Variants in SNX14 observed in about 807,000 individuals in gnomAD.
The protein encoded by SNX14 is sorting nexin 14, also known as sorting nexin-14.
In SNX14, 93 loss-of-function variants were observed where a neutral mutation model predicts 133.8. That is an observed-to-expected ratio of 0.70 (90% CI 0.59 to 0.83). The LOEUF (loss-of-function observed/expected upper bound fraction) is 0.83. Among genes scored for constraint, SNX14 ranks in the 40% least tolerant of loss-of-function variants. The pLI, the probability that SNX14 is intolerant of heterozygous loss-of-function variation, is 0.00. For missense variants in SNX14, 945 were observed against 1,094.9 expected (o/e 0.86, Z 1.93); for synonymous variants, 368 against 365.6 (o/e 1.01, Z -0.07).
At chr6:85,588,345 A>G (rs2842610) in intron 1 of SNX14, among the ~76,000 whole-genome samples, 81,401 of 151,792 alleles carry the variant, frequency 0.54, 23,236 homozygotes, top group African/African-American at 0.74. Flanking sequence ...AGGCCGAGGC[A>G]GGCAGATCAC....
At chr6:85,514,669 A>AT in intron 23 of SNX14, 40 bp from the exon 24 acceptor site, 1 of 1,576,666 alleles carries the variant, frequency 6.3e-7, no homozygotes, top group Non-Finnish European at 8.7e-7. Context: ...TATATAGTTT[A>AT]TTACATCTGC....
Position 85,517,755 on chromosome 6 carries a change from CCTT to C in SNX14, c.2266_2268del (p.Lys756del). 6.3e-7 allele frequency: 1 copy of C among 1,592,650 alleles called. No individual in the cohort carries two copies. The highest frequency in any genetic ancestry group is 8.5e-7 in the Non-Finnish European group (1 of 1,174,570). On this transcript the variant is annotated inframe_deletion and splice_region_variant, in exon 23 of 29. Coordinates refer to ENST00000314673, the MANE Select transcript of SNX14 (RefSeq NM_153816.6). ...TAGTTCTTTAATGCAATGTGCAGTA[CCTT>C]CTTGTTGTTTTCTGAAGTAGGGCTG... is the stretch of plus-strand genomic sequence containing the variant.
At position 85,514,138 on chromosome 6, in the gene SNX14, T is replaced by C. The variant is rs757174145; in HGVS notation, c.2489A>G (p.Tyr830Cys). The change falls in exon 25 of 29, where the codon TAT (tyrosine) becomes TGT (cysteine). Residue 830 changes from tyrosine to cysteine, a missense_variant. Tyr to Cys is a radical substitution (Grantham distance 194). This residue lies in a region of SNX14 where 412 missense variants were observed against 516.6 expected (regional missense o/e 0.80). Transcript: ENST00000314673. Reference protein sequence around the residue: ...KNTLEMYTDYYLQCKLEQLFQ... With the variant: ...KNTLEMYTDYCLQCKLEQLFQ... ...TAGCTGTTCTAGTTTACACTGAAGA[T>C]AGTAATCAGTATACATTTCCAGGGT... is the stretch of plus-strand genomic sequence containing the variant. The C allele has an allele frequency of 1.4e-5, 22 of 1,613,814 alleles. No homozygotes were observed. Among genetic ancestry groups the C allele is most frequent in the Non-Finnish European group, 1.7e-5 (20 of 1,179,874 alleles).
rs1775498970 is a variant in SNX14 at position 85,517,673 on chromosome 6, G to A, written c.2268+83C>T. 3 of 1,434,722 alleles carry A rather than the reference G, an allele frequency of 2.1e-6. No individual in the cohort carries two copies. The African/African-American group carries it at 4.3e-5, about 21-fold the overall frequency. The allele number at this position is 1,434,722 out of a possible 1,614,324, so 88.9% of individuals were successfully genotyped here. A position where few individuals can be genotyped will look rare whatever the true frequency, so the allele number is the denominator to read the frequency against. On this transcript the variant is annotated intron_variant, in intron 23 of 28. Coordinates refer to ENST00000314673, the MANE Select transcript of SNX14 (RefSeq NM_153816.6). Reference sequence around the variant, plus strand: ...TAGCTCAATCCATTTCATTAACAAAGTATTCATTCTCTCGACAATGAAAAA... The same window carrying A: ...TAGCTCAATCCATTTCATTAACAAAATATTCATTCTCTCGACAATGAAAAA...
At position 85,574,370 on chromosome 6, in the gene SNX14, T is replaced by C; in HGVS notation, c.149A>G (p.His50Arg). 6.5e-7 allele frequency: 1 copy of C among 1,543,218 alleles called. No homozygotes were observed. Among genetic ancestry groups the C allele is most frequent in the Non-Finnish European group, 8.8e-7 (1 of 1,131,336 alleles). ...AASLLLNRYIHILMIFWSFVA... is the reference protein window; with the variant it reads ...AASLLLNRYIRILMIFWSFVA... ...AAATGACCAGAAGATCATTAAAATA[T>C]GAATATACCTTAAAAATAAATGAAA... The change falls in exon 2 of 29, where the codon CAT (histidine) becomes CGT (arginine). Residue 50 changes from histidine to arginine, a missense_variant. His to Arg is a conservative substitution (Grantham distance 29). Transcript: ENST00000314673.
At chr6:85,557,831 T>C in intron 7 of SNX14, 145 bp downstream of exon 7, 1 of 576,496 alleles carries the variant, frequency 1.7e-6, no homozygotes, top group Non-Finnish European at 3.0e-6. Flanking sequence ...AACAAACTAC[T>C]GAAAGACATT....
chr6:85,528,740 T>C (rs1476877253), intron 19 of SNX14, among the ~76,000 whole-genome samples: 1 of 152,154 alleles, frequency 6.6e-6, no homozygotes, highest in Non-Finnish European at 1.5e-5. Flanking sequence ...TAGCATCTTG[T>C]CAATGCTATA....
chr6:85,513,561 T>C (rs1217587882), intron 26 of SNX14, among the ~76,000 whole-genome samples: 2 of 152,236 alleles, frequency 1.3e-5, no homozygotes. Flanking sequence ...TAAGTTATTT[T>C]TGAATGAATC....
rs1257873677 is a variant in SNX14 at position 85,574,255 on chromosome 6, T to C, written c.261+3A>G. 2 of 1,570,558 alleles carry C rather than the reference T, an allele frequency of 1.3e-6. No homozygotes were observed. The highest frequency in any genetic ancestry group is 3.5e-5 in the Admixed American group (2 of 57,492). On this transcript the variant is annotated splice_donor_region_variant and intron_variant, in intron 2 of 28. Transcript: ENST00000314673. Reference sequence around the variant, plus strand: ...TCTTAACAATAAGAACACATAATTTTACCTTGGGTTTGTATTTTATTGTGA... The same window carrying C: ...TCTTAACAATAAGAACACATAATTTCACCTTGGGTTTGTATTTTATTGTGA...
chr6:85,523,137 G>T (rs1467935381), intron 21 of SNX14, among the ~76,000 whole-genome samples: 1 of 152,192 alleles, frequency 6.6e-6, no homozygotes, highest in Non-Finnish European at 1.5e-5. Context: ...AAAGGAAGTA[G>T]TAAGAAATAA....
intron 1 of SNX14, among the ~76,000 whole-genome samples, chr6:85,592,099 T>G (rs1412909744): frequency 6.6e-6 from 1 of 152,252 alleles, no homozygotes; most frequent in Non-Finnish European, 1.5e-5. Flanking sequence ...ACCTTCCAGA[T>G]GACAGAAAGC....
At chr6:85,588,438 G>A (rs138896725) in intron 1 of SNX14, among the ~76,000 whole-genome samples, 3,442 of 151,962 alleles carry the variant, frequency 0.023, 51 homozygotes, top group Non-Finnish European at 0.035. Flanking sequence ...TTAGCCGGGC[G>A]CGGTGGCGGG....
rs1384539362 is a variant in SNX14 at position 85,549,718 on chromosome 6, T to C, written c.791+5A>G. The C allele has an allele frequency of 2.5e-6, 4 of 1,608,380 alleles. No individual in the cohort carries two copies. The African/African-American group carries it at 4.0e-5, about 16-fold the overall frequency. Reference sequence around the variant, plus strand: ...ATACTATTATATTGTCTAGTCTTTTTATACCTGCAGTCTGTTGCTTTAGGA... The same window carrying C: ...ATACTATTATATTGTCTAGTCTTTTCATACCTGCAGTCTGTTGCTTTAGGA... On this transcript the variant is annotated splice_donor_5th_base_variant and intron_variant, in intron 8 of 28. Transcript: ENST00000314673.
At chr6:85,507,089 A>G in intron 28 of SNX14, 144 bp downstream of exon 28, 1 of 707,652 alleles carries the variant, frequency 1.4e-6, no homozygotes. Context: ...TAAAGAAAAT[A>G]CAAAAGGCAA....
intron 20 of SNX14, among the ~76,000 whole-genome samples, chr6:85,527,846 T>C (rs1042317773): frequency 3.9e-5 from 6 of 152,024 alleles, no homozygotes; most frequent in Admixed American, 2.0e-4. Flanking sequence ...AGGAATAACA[T>C]AGGAGAGAAG....
intron 21 of SNX14, among the ~76,000 whole-genome samples, chr6:85,525,168 A>G (rs1425987892): frequency 6.6e-6 from 1 of 152,308 alleles, no homozygotes; most frequent in Non-Finnish European, 1.5e-5. Flanking sequence ...TAGTAAAAAT[A>G]TAATAAGGTC....
At chr6:85,508,508 C>T in intron 26 of SNX14, 10 of 359,168 alleles carry the variant, frequency 2.8e-5, no homozygotes, top group Non-Finnish European at 3.9e-5. Flanking sequence ...ACCCAGTGGG[C>T]AGAAGATAGC....
At chr6:85,512,878 T>C (rs1456797643) in intron 26 of SNX14, among the ~76,000 whole-genome samples, 1 of 152,110 alleles carries the variant, frequency 6.6e-6, no homozygotes, top group African/African-American at 2.4e-5. Context: ...AGTTGTTTAG[T>C]TTTTTTAGTT....
intron 4 of SNX14, chr6:85,568,442 T>C (rs921309739): frequency 2.6e-5 from 4 of 152,264 alleles, no homozygotes. Flanking sequence ...CTGATCTGAA[T>C]GCTGGTTACA....
Sources: gnomAD v4.1 joint callset for allele counts (sites outside exome capture counted in the v4.1 genomes callset) on GRCh38, gnomAD v4.1.1 for gene constraint, gnomAD v4.1.1 regional missense constraint, MANE v1.5 for transcripts, NCBI Gene and HGNC (gene_info 2026-07-23, HGNC 2026-07-21) for gene names.